ACTN2: variants seen among roughly 807,000 people sequenced by gnomAD.
ACTN2 encodes the protein alpha-actinin-2.
A neutral mutation model predicts 113.8 loss-of-function variants in ACTN2; 39 were observed. The ratio of observed to expected loss-of-function variants is 0.34; its 90% CI spans 0.27 to 0.45. The LOEUF (loss-of-function observed/expected upper bound fraction) is 0.45. Among genes scored for constraint, ACTN2 ranks in the 20% least tolerant of loss-of-function variants. ACTN2 has a pLI of 1.00. For missense variants in ACTN2, 992 were observed against 1,177.9 expected (o/e 0.84, Z 2.31); for synonymous variants, 429 against 444.1 (o/e 0.97, Z 0.43).
intron 10 of ACTN2, 109 bp downstream of exon 10, chr1:236,739,641 T>A (rs1659008575): frequency 7.7e-7 from 1 of 1,306,176 alleles, no homozygotes; most frequent in South Asian, 1.3e-5. Flanking sequence ...ATCTTTTTAG[T>A]TGTGTGAATA....
At chr1:236,757,441 T>A in intron 17 of ACTN2, 45 bp from the exon 18 acceptor site, 4 of 1,613,312 alleles carry the variant, frequency 2.5e-6, no homozygotes, top group Middle Eastern at 1.7e-4. Context: ...AGAGTTGACA[T>A]GCTGGAGAGA....
At chr1:236,694,251 C>T (rs1389282554) in intron 1 of ACTN2, among the ~76,000 whole-genome samples, 1 of 144,106 alleles carries the variant, frequency 6.9e-6, no homozygotes, top group Non-Finnish European at 1.5e-5. Flanking sequence ...CGGAGTTTCA[C>T]TGTCGTTGCC....
chr1:236,700,395 T>G (rs1443119842), intron 1 of ACTN2, among the ~76,000 whole-genome samples: 1 of 152,122 alleles, frequency 6.6e-6, no homozygotes, highest in Non-Finnish European at 1.5e-5. Flanking sequence ...GCAATAACCC[T>G]GTTGTCTAAT....
chr1:236,742,755 G>C, intron 10 of ACTN2, 141 bp from the exon 11 acceptor site: 1 of 972,678 alleles, frequency 1.0e-6, no homozygotes, highest in Non-Finnish European at 1.6e-6. Context: ...TTATTGAGGT[G>C]GGGGGTAAGG....
At chr1:236,687,969 C>A (rs1437431964) in intron 1 of ACTN2, among the ~76,000 whole-genome samples, 1 of 152,164 alleles carries the variant, frequency 6.6e-6, no homozygotes, top group Non-Finnish European at 1.5e-5. Context: ...TTCAGTCTCT[C>A]CCCGAGTTTC....
chr1:236,705,423 C>T (rs1313344959), intron 1 of ACTN2, among the ~76,000 whole-genome samples: 3 of 152,094 alleles, frequency 2.0e-5, no homozygotes, highest in Non-Finnish European at 2.9e-5. Flanking sequence ...ACTGGTAAGC[C>T]GTTACAACCA....
At chr1:236,736,693 G>C (rs762123899) in intron 8 of ACTN2, 4 of 1,435,092 alleles carry the variant, frequency 2.8e-6, no homozygotes, top group Non-Finnish European at 1.9e-6. Context: ...TCCTGCCCCA[G>C]TTATTTTTGC....
chr1:236,755,545 T>C (rs1430321094), intron 17 of ACTN2, among the ~76,000 whole-genome samples: 1 of 152,212 alleles, frequency 6.6e-6, no homozygotes, highest in East Asian at 1.9e-4. Context: ...GGGCTCATCC[T>C]GCTACTTGGT....
chr1:236,744,804 G>A (rs775439819), intron 12 of ACTN2, 28 bp downstream of exon 12: 56 of 1,613,568 alleles, frequency 3.5e-5, no homozygotes, highest in Non-Finnish European at 1.9e-5. Context: ...CCGTCCTCCC[G>A]GGAGCCCCTG....
intron 19 of ACTN2, among the ~76,000 whole-genome samples, chr1:236,760,494 A>G (rs1343491124): frequency 6.6e-6 from 1 of 152,204 alleles, no homozygotes; most frequent in Non-Finnish European, 1.5e-5. Flanking sequence ...TTAGTCGTAA[A>G]TCAGCCAAGA....
intron 18 of ACTN2, among the ~76,000 whole-genome samples, chr1:236,758,424 T>C (rs370495004): frequency 2.0e-5 from 3 of 150,864 alleles, no homozygotes; most frequent in South Asian, 4.2e-4. Flanking sequence ...TATCTGGGAC[T>C]ATAGGCACCT....
Position 236,717,974 on chromosome 1 carries a change from T to C in ACTN2, c.241+2T>C, listed in dbSNP as rs1278815500. 3 of 1,608,304 alleles carry C rather than the reference T, an allele frequency of 1.9e-6. No homozygotes were observed. The highest frequency in any genetic ancestry group is 2.6e-6 in the Non-Finnish European group (3 of 1,175,168). ...TGCTGCTTTTGGAAGTCATCTCAGG[T>C]TGGTGTTATATATCCCATCCTATGC... is the stretch of plus-strand genomic sequence containing the variant. On this transcript the variant is annotated splice_donor_variant, in intron 2 of 20. Coordinates refer to ENST00000366578, the MANE Select transcript of ACTN2 (RefSeq NM_001103.4). LOFTEE classifies it high-confidence loss of function.
At position 236,686,642 on chromosome 1, in the gene ACTN2, C is replaced by A; in HGVS notation, c.-32C>A. 6.5e-7 allele frequency: 1 copy of A among 1,536,858 alleles called. No individual in the cohort carries two copies. Among genetic ancestry groups the A allele is most frequent in the Non-Finnish European group, 8.8e-7 (1 of 1,141,538 alleles). ...TCAGCCCGTGCGTCCGAGCCCCTCG[C>A]GCCCCGCCGCAGCCCCGGCCAACCG... On this transcript the variant is annotated 5_prime_UTR_variant, in exon 1 of 21. Coordinates refer to ENST00000366578, the MANE Select transcript of ACTN2 (RefSeq NM_001103.4).
At chr1:236,702,197 T>C (rs766915749) in intron 1 of ACTN2, among the ~76,000 whole-genome samples, 4 of 152,158 alleles carry the variant, frequency 2.6e-5, no homozygotes, top group Non-Finnish European at 4.4e-5. Context: ...GATTGCTGGA[T>C]TGGATCCAAG....
intron 1 of ACTN2, among the ~76,000 whole-genome samples, chr1:236,696,666 A>ATTT (rs34828949): frequency 3.1e-5 from 4 of 129,968 alleles, no homozygotes; most frequent in Admixed American, 7.7e-5. Context: ...TTGTCCCACT[A>ATTT]TTTTTTTTTT....
intron 1 of ACTN2, among the ~76,000 whole-genome samples, chr1:236,709,500 C>T (rs979014331): frequency 3.3e-5 from 5 of 151,428 alleles, no homozygotes; most frequent in Admixed American, 6.6e-5. Flanking sequence ...TCTGCCTGTC[C>T]TCCATGCCCC....
Position 236,739,515 on chromosome 1 carries a change from G to A in ACTN2, c.1090G>A (p.Glu364Lys), listed in dbSNP as rs572523462. ...CAACCGTCCTGCCTTCATGCCCTCCGAGGGCAAGATGGTGTCGGTGAGTAG... is the reference window on the plus strand; with the variant it reads ...CAACCGTCCTGCCTTCATGCCCTCCAAGGGCAAGATGGTGTCGGTGAGTAG... ...ISNRPAFMPS[E>K]GKMVSDIAGA... is the part of the protein sequence containing the mutation. Residue 364 changes from glutamate (E) to lysine (K), a missense_variant, in exon 10 of 21, where the codon GAG becomes AAG. Glu to Lys is a moderately conservative substitution (Grantham distance 56). Around this residue, in one of 3 missense-constraint regions of ACTN2, gnomAD observed 736 missense variants for 815.4 expected, o/e 0.90. Transcript: ENST00000366578. 6 of 1,614,032 alleles carry A rather than the reference G, an allele frequency of 3.7e-6. No individual in the cohort carries two copies. The African/African-American group carries it at 4.0e-5, about 11-fold the overall frequency.
At chr1:236,744,813 T>C (rs1659179150) in intron 12 of ACTN2, 37 bp downstream of exon 12, 1 of 1,613,460 alleles carries the variant, frequency 6.2e-7, no homozygotes, top group East Asian at 2.2e-5. Context: ...CGGGAGCCCC[T>C]GGGATTCCAC....
chr1:236,725,684 AAGTCT>A (rs1219443321), intron 4 of ACTN2, among the ~76,000 whole-genome samples: 1 of 152,142 alleles, frequency 6.6e-6, no homozygotes, highest in East Asian at 1.9e-4. Flanking sequence ...AACCACCCTG[AAGTCT>A]AGTTTTAGTG....
Sources: allele counts gnomAD v4.1 joint callset (sites outside exome capture counted in the v4.1 genomes callset), GRCh38; gene constraint gnomAD v4.1.1; regional missense constraint gnomAD v4.1.1; transcripts MANE v1.5; gene names NCBI Gene and HGNC (gene_info 2026-07-23, HGNC 2026-07-21).